Variants in RNF170 observed in about 807,000 individuals in gnomAD.
RNF170 encodes ring finger protein 170.
RNF170 carries 12 observed loss-of-function variants against 32.7 expected under a neutral mutation model. That is an observed-to-expected ratio of 0.37 (90% CI 0.24 to 0.60). RNF170 has a LOEUF of 0.60. Ranked by LOEUF, RNF170 falls within the 20% of genes least tolerant of loss-of-function variation. The pLI is 0.72. For missense variants in RNF170, 212 were observed against 311.2 expected, an observed-to-expected ratio of 0.68 and a Z score of 2.40; for synonymous variants, 91 against 103.6, an observed-to-expected ratio of 0.88 and a Z score of 0.74.
intron 2 of RNF170, among the ~76,000 whole-genome samples, chr8:42,876,703 A>T (rs1804965375): frequency 6.8e-6 from 1 of 146,696 alleles, no homozygotes; most frequent in Non-Finnish European, 1.5e-5. Context: ...TCTTTCGCCA[A>T]GGCTGGAGTG....
rs1482530859 is a variant in RNF170, at chr8:42,854,012, T to G, written c.*2147A>C. On this transcript the variant is annotated 3_prime_UTR_variant, in exon 7 of 7. Transcript: ENST00000527424. ...CATCACCATTCCCCCACACCAAATG[T>G]GTAATTGGTAGGAAATGCATTTCCA... The G allele has an allele frequency of 1.6e-6, 2 of 1,286,838 alleles. No individual in the cohort carries two copies. Among genetic ancestry groups the G allele is most frequent in the South Asian group, 2.5e-5 (2 of 80,934 alleles). 79.7% of individuals were successfully genotyped at this position (1,286,838 alleles called of 1,614,324 possible). A position where few individuals can be genotyped will look rare whatever the true frequency, so the allele number is the denominator to read the frequency against.
In RNF170 at chr8:42,855,051, G is replaced by A. The variant is rs1027654913; in HGVS notation, c.*1108C>T. 3.3e-5 allele frequency: 43 copies of A among 1,287,112 alleles called. No homozygotes were observed. The highest frequency in any genetic ancestry group is 4.2e-5 in the Non-Finnish European group (42 of 988,668). The allele number at this position is 1,287,112 out of a possible 1,614,324, so 79.7% of individuals were successfully genotyped here. ...CTATTGGCTTGATGCTCAAAGACAC[G>A]AAGATTCACCTTCCTCAGAAATGCA... On this transcript the variant is annotated 3_prime_UTR_variant, in exon 7 of 7. Coordinates refer to ENST00000527424, the MANE Select transcript of RNF170 (RefSeq NM_030954.4).
chr8:42,865,520 C>T, intron 4 of RNF170, 31 bp from the exon 5 acceptor site: 3 of 1,466,518 alleles, frequency 2.0e-6, no homozygotes, highest in Non-Finnish European at 2.9e-6. Flanking sequence ...AACACATAAC[C>T]CATTAATATT....
chr8:42,854,834 A>G lies in RNF170; in HGVS notation c.*1325T>C, dbSNP rs2128921811. 7.8e-7 allele frequency: 1 copy of G among 1,287,264 alleles called. No homozygotes were observed. The highest frequency in any genetic ancestry group is 1.2e-5 in the South Asian group (1 of 80,938). The allele number at this position is 1,287,264 out of a possible 1,614,324, so 79.7% of individuals were successfully genotyped here. A position where few individuals can be genotyped will look rare whatever the true frequency, so the allele number is the denominator to read the frequency against. ...GAAGTGAGTAAGATCTCCCAGTACC[A>G]TGTGGTACTGAGTCTTCTCAGATAC... On this transcript the variant is annotated 3_prime_UTR_variant, in exon 7 of 7. Coordinates refer to ENST00000527424, the MANE Select transcript of RNF170 (RefSeq NM_030954.4).
Position 42,853,656 on chromosome 8 carries a change from T to C in RNF170, c.*2503A>G, listed in dbSNP as rs186667933. 1.6e-6 allele frequency: 2 copies of C among 1,286,378 alleles called. No individual in the cohort carries two copies. Among genetic ancestry groups the C allele is most frequent in the East Asian group, 1.1e-4 (2 of 18,014 alleles). The allele number at this position is 1,286,378 out of a possible 1,614,324, so 79.7% of individuals were successfully genotyped here. A position where few individuals can be genotyped will look rare whatever the true frequency, so the allele number is the denominator to read the frequency against. ...GTTACTTTGATTTATATGATCTAAC[T>C]CTGAATCACGGAAGTATTACTATGA... On this transcript the variant is annotated 3_prime_UTR_variant, in exon 7 of 7. Coordinates refer to ENST00000527424, the MANE Select transcript of RNF170 (RefSeq NM_030954.4).
chr8:42,866,397 C>T (rs756064159), intron 4 of RNF170, among the ~76,000 whole-genome samples: 8 of 151,430 alleles, frequency 5.3e-5, no homozygotes, highest in South Asian at 4.2e-4. Flanking sequence ...AAAAATTAGC[C>T]GGGGGTGGTG....
intron 1 of RNF170, among the ~76,000 whole-genome samples, chr8:42,890,573 G>A (rs965367460): frequency 1.3e-5 from 2 of 152,050 alleles, no homozygotes; most frequent in South Asian, 2.1e-4. Context: ...CACTGCACCC[G>A]GCCTGTGATT....
At position 42,855,668 on chromosome 8, in the gene RNF170, A is replaced by G; in HGVS notation, c.*491T>C. 7.8e-7 allele frequency: 1 copy of G among 1,284,302 alleles called. No homozygotes were observed. 79.6% of individuals were successfully genotyped at this position (1,284,302 alleles called of 1,614,324 possible). A position where few individuals can be genotyped will look rare whatever the true frequency, so the allele number is the denominator to read the frequency against. On this transcript the variant is annotated 3_prime_UTR_variant, in exon 7 of 7. Transcript: ENST00000527424. ...AGGCAGAACTGCTCCAAATGCACAA[A>G]ACTTAGCTAGCACTAAAAGAAATAC...
intron 1 of RNF170, among the ~76,000 whole-genome samples, chr8:42,888,851 A>G (rs1221591049): frequency 1.3e-5 from 2 of 151,400 alleles, no homozygotes; most frequent in Non-Finnish European, 2.9e-5. Flanking sequence ...CTGAATACCA[A>G]ATAAGTTCTC....
chr8:42,889,450 T>A (rs1806114591), intron 1 of RNF170: 1 of 152,148 alleles, frequency 6.6e-6, no homozygotes, highest in Admixed American at 6.5e-5. Context: ...TTCAATTAAA[T>A]ATATATGAAT....
intron 2 of RNF170, among the ~76,000 whole-genome samples, chr8:42,875,726 G>C (rs1247332406): frequency 6.6e-6 from 1 of 152,090 alleles, no homozygotes; most frequent in African/African-American, 2.4e-5. Context: ...ATGGGCACGT[G>C]CCACCATGCC....
At chr8:42,862,917 A>G (rs1379502970) in intron 5 of RNF170, among the ~76,000 whole-genome samples, 1 of 152,212 alleles carries the variant, frequency 6.6e-6, no homozygotes, top group Middle Eastern at 3.2e-3. Context: ...ACAGCCTTAC[A>G]TGGTCCTGGG....
At chr8:42,860,021 T>C (rs900251472) in intron 6 of RNF170, among the ~76,000 whole-genome samples, 20 of 152,138 alleles carry the variant, frequency 1.3e-4, no homozygotes, top group African/African-American at 4.3e-4. Flanking sequence ...GGATTACTTA[T>C]AGACCAGATG....
intron 2 of RNF170, among the ~76,000 whole-genome samples, chr8:42,881,735 G>C (rs1721475036): frequency 6.6e-6 from 1 of 152,180 alleles, no homozygotes; most frequent in Non-Finnish European, 1.5e-5. Context: ...TGGAATTTGA[G>C]ACCAGCCTGG....
chr8:42,889,518 A>G (rs1022404965), intron 1 of RNF170: 6 of 152,194 alleles, frequency 3.9e-5, no homozygotes, highest in Non-Finnish European at 7.3e-5. Context: ...GTTTTATTCA[A>G]TATCATCACT....
At chr8:42,859,095 G>C (rs1803461975) in intron 6 of RNF170, among the ~76,000 whole-genome samples, 1 of 152,106 alleles carries the variant, frequency 6.6e-6, no homozygotes, top group Non-Finnish European at 1.5e-5. Context: ...GAGGTGGGAG[G>C]AAGGCTTGAG....
At chr8:42,876,647 T>C in intron 2 of RNF170, among the ~76,000 whole-genome samples, 1 of 150,814 alleles carries the variant, frequency 6.6e-6, no homozygotes, top group Non-Finnish European at 1.5e-5. Context: ...GGTTATTTGT[T>C]TTTTTGTGGG....
upstream of RNF170, chr8:42,896,754 G>GGCA (rs1287640327): frequency 2.8e-5 from 4 of 144,176 alleles, no homozygotes; most frequent in African/African-American, 7.7e-5. Flanking sequence ...CGGCAGCGGC[G>GGCA]GCGGCGGCGG....
intron 1 of RNF170, among the ~76,000 whole-genome samples, chr8:42,888,290 T>C (rs2128953427): frequency 6.6e-6 from 1 of 152,040 alleles, no homozygotes; most frequent in East Asian, 1.9e-4. Context: ...GGTCTTGATC[T>C]CCTGACCTCG....
Sources: allele counts gnomAD v4.1 joint callset (sites outside exome capture counted in the v4.1 genomes callset), GRCh38; gene constraint gnomAD v4.1.1; transcripts MANE v1.5; gene names NCBI Gene and HGNC (gene_info 2026-07-23, HGNC 2026-07-21).